Variants in TGFBR3 observed in about 807,000 individuals in gnomAD.
The protein encoded by TGFBR3 is transforming growth factor beta receptor 3.
A neutral mutation model predicts 87.9 loss-of-function variants in TGFBR3; 46 were observed. The ratio of observed to expected loss-of-function variants is 0.52; its 90% CI spans 0.41 to 0.67. The LOEUF is 0.67. Ranked by LOEUF, TGFBR3 falls within the 30% of genes least tolerant of loss-of-function variation. The probability of loss-of-function intolerance (pLI) is 0.00; values close to 1 mark genes in which losing one functional copy is unlikely to be tolerated. For missense variants in TGFBR3, 866 were observed against 1,041.9 expected (o/e 0.83, Z 2.32); for synonymous variants, 381 against 391.6 (o/e 0.97, Z 0.32).
intron 4 of TGFBR3, among the ~76,000 whole-genome samples, chr1:91,740,832 G>A (rs1214446786): frequency 1.3e-5 from 2 of 152,174 alleles, no homozygotes; most frequent in African/African-American, 4.8e-5. Flanking sequence ...AGTCTGGCTT[G>A]TAGAAGAACA....
chr1:91,857,031 C>A (rs1398638043), intron 2 of TGFBR3, among the ~76,000 whole-genome samples: 1 of 152,088 alleles, frequency 6.6e-6, no homozygotes, highest in Non-Finnish European at 1.5e-5. Flanking sequence ...AATAATAATA[C>A]CCATCTCATA....
chr1:91,782,840 G>C (rs182858058), intron 3 of TGFBR3, among the ~76,000 whole-genome samples: 1 of 152,296 alleles, frequency 6.6e-6, no homozygotes, highest in African/African-American at 2.4e-5. Flanking sequence ...CTGGTAGTGA[G>C]GCCACACCTC....
At chr1:91,829,811 C>A (rs1676787901) in intron 2 of TGFBR3, 1 of 152,094 alleles carries the variant, frequency 6.6e-6, no homozygotes, top group South Asian at 2.1e-4. Context: ...GGCTGGAATA[C>A]AGTGTCTATT....
chr1:91,877,212 C>T (rs1449841913), intron 1 of TGFBR3, among the ~76,000 whole-genome samples: 1 of 152,206 alleles, frequency 6.6e-6, no homozygotes, highest in Non-Finnish European at 1.5e-5. Context: ...CATTGAAATC[C>T]TGCTCTGTGT....
At chr1:91,803,404 T>C (rs284165) in intron 2 of TGFBR3, among the ~76,000 whole-genome samples, 151,054 of 152,302 alleles carry the variant, frequency 0.99, 74,923 homozygotes, top group East Asian at 1. Flanking sequence ...CTGGTTGGAA[T>C]GTGGATGTAA....
At chr1:91,737,939 G>T (rs952171826) in intron 4 of TGFBR3, among the ~76,000 whole-genome samples, 7 of 152,190 alleles carry the variant, frequency 4.6e-5, no homozygotes, top group Admixed American at 4.6e-4. Context: ...ATTTTGGTGA[G>T]GATGCATTTG....
At chr1:91,826,492 G>C (rs1471430940) in intron 2 of TGFBR3, among the ~76,000 whole-genome samples, 1 of 152,098 alleles carries the variant, frequency 6.6e-6, no homozygotes, top group Non-Finnish European at 1.5e-5. Context: ...AGGAAAAGCT[G>C]AGTCAATTCA....
intron 3 of TGFBR3, among the ~76,000 whole-genome samples, chr1:91,789,346 A>G (rs539855834): frequency 6.6e-6 from 1 of 152,184 alleles, no homozygotes; most frequent in Non-Finnish European, 1.5e-5. Flanking sequence ...TATCTGGGGG[A>G]AGAGGCAATA....
intron 2 of TGFBR3, among the ~76,000 whole-genome samples, chr1:91,816,169 A>G (rs1392836219): frequency 6.6e-6 from 1 of 152,194 alleles, no homozygotes; most frequent in East Asian, 1.9e-4. Flanking sequence ...GGATGGCAAG[A>G]GGAAAAAATA....
At chr1:91,893,625 A>G (rs1418131786) in intron 2 of TGFBR3, among the ~76,000 whole-genome samples, 1 of 152,126 alleles carries the variant, frequency 6.6e-6, no homozygotes, top group Non-Finnish European at 1.5e-5. Context: ...AGTTAAATAG[A>G]AATTTGTTTT....
At chr1:91,900,413 C>G (rs1433732386) in intron 1 of TGFBR3, among the ~76,000 whole-genome samples, 1 of 152,184 alleles carries the variant, frequency 6.6e-6, no homozygotes, top group Non-Finnish European at 1.5e-5. Context: ...CACGCCCAGC[C>G]AAACTTAATT....
intron 4 of TGFBR3, among the ~76,000 whole-genome samples, chr1:91,748,745 AT>A (rs1673433549): frequency 6.6e-6 from 1 of 151,476 alleles, no homozygotes; most frequent in African/African-American, 2.4e-5. Flanking sequence ...TATTATTATT[AT>A]TATTATTGCT....
intron 4 of TGFBR3, among the ~76,000 whole-genome samples, chr1:91,740,924 C>T (rs1162011512): frequency 6.6e-6 from 1 of 152,166 alleles, no homozygotes; most frequent in East Asian, 1.9e-4. Context: ...TTGCAATCAT[C>T]ACTGCAAGGA....
intron 2 of TGFBR3, among the ~76,000 whole-genome samples, chr1:91,805,378 G>A (rs897345290): frequency 2.0e-5 from 3 of 152,160 alleles, no homozygotes; most frequent in Non-Finnish European, 2.9e-5. Context: ...AAATCTTGCC[G>A]GGTGTCGTGT....
At position 91,682,629 on chromosome 1, in the gene TGFBR3, C is replaced by A. The variant is rs1372357299; in HGVS notation, c.*1110G>T. On this transcript the variant is annotated 3_prime_UTR_variant, in exon 17 of 17. Transcript: ENST00000212355. ...TTGGTGACACTATTCAGATAACCAA[C>A]TGGAGACCGACAGGATTTGCCATGC... The A allele has an allele frequency of 2.2e-6, 1 of 453,946 alleles. No individual in the cohort carries two copies. Among genetic ancestry groups the A allele is most frequent in the Admixed American group, 2.3e-5 (1 of 42,558 alleles). The allele number at this position is 453,946 out of a possible 1,614,324, so 28.1% of individuals were successfully genotyped here.
chr1:91,683,746 G>C lies in TGFBR3; in HGVS notation c.2549C>G (p.Thr850Arg). 2 of 1,572,338 alleles carry C rather than the reference G, an allele frequency of 1.3e-6. No homozygotes were observed. The highest frequency in any genetic ancestry group is 2.3e-5 in the South Asian group (2 of 86,524). Residue 850 changes from threonine (T) to arginine (R), a missense_variant, in exon 17 of 17, where the codon ACG (threonine) becomes AGG (arginine). By Grantham distance (71) the Thr-to-Arg change is moderately conservative. Transcript: ENST00000212355. ...TQSTPCSSSS[T>R]A is the part of the protein sequence containing the mutation. Reference sequence around the variant, plus strand: ...GGGTTGGGCTGGGTTGGGCTAGGCCGTGCTGCTGCTGGAGCAAGGCGTGCT... The same window carrying C: ...GGGTTGGGCTGGGTTGGGCTAGGCCCTGCTGCTGCTGGAGCAAGGCGTGCT...
At chr1:91,809,143 A>C (rs564439166) in intron 2 of TGFBR3, among the ~76,000 whole-genome samples, 1 of 152,364 alleles carries the variant, frequency 6.6e-6, no homozygotes, top group Admixed American at 6.5e-5. Flanking sequence ...AGACTTGCAG[A>C]GCTACAAAGC....
At position 91,682,433 on chromosome 1, in the gene TGFBR3, A is replaced by C; in HGVS notation, c.*1306T>G. 1 of 409,066 alleles carries C rather than the reference A, an allele frequency of 2.4e-6. No homozygotes were observed. Among genetic ancestry groups the C allele is most frequent in the South Asian group, 1.7e-5 (1 of 60,126 alleles). The allele number at this position is 409,066 out of a possible 1,614,324, so 25.3% of individuals were successfully genotyped here. Reference sequence around the variant, plus strand: ...TTTTTTTTTTTTTTTTTTAACAAGGAGGTATCACTGAGCTTATTTTAGCTG... The same window carrying C: ...TTTTTTTTTTTTTTTTTTAACAAGGCGGTATCACTGAGCTTATTTTAGCTG... On this transcript the variant is annotated 3_prime_UTR_variant, in exon 17 of 17. Transcript: ENST00000212355.
At chr1:91,711,130 A>G (rs1376249538) in intron 13 of TGFBR3, among the ~76,000 whole-genome samples, 2 of 152,154 alleles carry the variant, frequency 1.3e-5, no homozygotes, top group African/African-American at 4.8e-5. Flanking sequence ...ATGGCTCTCT[A>G]CCACTGTCCA....
Sources: gnomAD v4.1 joint callset for allele counts (sites outside exome capture counted in the v4.1 genomes callset) on GRCh38, gnomAD v4.1.1 for gene constraint, MANE v1.5 for transcripts, NCBI Gene and HGNC (gene_info 2026-07-23, HGNC 2026-07-21) for gene names.